EDIL3: variants seen among roughly 807,000 people sequenced by gnomAD.
EDIL3 encodes the protein EGF-like repeat and discoidin I-like domain-containing protein 3.
A neutral mutation model predicts 67.4 loss-of-function variants in EDIL3; 37 were observed. The observed-to-expected ratio is 0.55, with a 90% CI of 0.42 to 0.72. The LOEUF (loss-of-function observed/expected upper bound fraction) is 0.72, where lower values mean the gene tolerates loss of function less well. EDIL3 is among the 30% of genes least tolerant of loss of function. The probability of loss-of-function intolerance (pLI) is 0.00; values close to 1 mark genes in which losing one functional copy is unlikely to be tolerated. For synonymous variants in EDIL3, 195 were observed against 196.3 expected (o/e 0.99, Z 0.05); for missense variants, 527 against 586.3 (o/e 0.90, Z 1.04).
chr5:84,242,867 C>T (rs573557983), intron 2 of EDIL3, among the ~76,000 whole-genome samples: 1 of 151,582 alleles, frequency 6.6e-6, no homozygotes, highest in African/African-American at 2.4e-5. Context: ...TAACCCTCCC[C>T]ATATGTGTAA....
chr5:84,050,070 C>T (rs367853487), intron 9 of EDIL3, among the ~76,000 whole-genome samples: 72 of 151,760 alleles, frequency 4.7e-4, no homozygotes, highest in African/African-American at 1.7e-3. Context: ...TGGTGGCGCA[C>T]GCCTGTAGTC....
chr5:84,106,608 AATGACTT>A, intron 6 of EDIL3, 34 bp downstream of exon 6: 1 of 1,508,188 alleles, frequency 6.6e-7, no homozygotes, highest in East Asian at 2.3e-5. Context: ...ATCATTTAAA[AATGACTT>A]ATAACATTAA....
At chr5:84,289,209 T>G (rs1426566735) in intron 1 of EDIL3, among the ~76,000 whole-genome samples, 2 of 152,224 alleles carry the variant, frequency 1.3e-5, no homozygotes, top group Non-Finnish European at 2.9e-5. Flanking sequence ...GGCTTTTTAG[T>G]GTTAATAATG....
In EDIL3 at chr5:84,096,263, G is replaced by A. The variant is rs374948199; in HGVS notation, c.651+10386C>T. ...GGTAGATCCCCCAACAGCTTGCACC[G>A]TGTGTCTGGAAAAGCCACAGATGCT... On this transcript the variant is annotated intron_variant, in intron 6 of 10. Coordinates refer to ENST00000296591, the MANE Select transcript of EDIL3 (RefSeq NM_005711.5). Among the ~76,000 whole-genome samples, 35 of 152,282 alleles carry A rather than the reference G, an allele frequency of 2.3e-4. 1 individual carries two copies. Among genetic ancestry groups the A allele is most frequent in the East Asian group, 1.7e-3 (9 of 5,156 alleles).
chr5:84,382,624 C>G (rs1748107007), intron 1 of EDIL3, among the ~76,000 whole-genome samples: 1 of 152,118 alleles, frequency 6.6e-6, no homozygotes. Flanking sequence ...TCCCCCTTCC[C>G]TTCCTGCTAA....
At chr5:84,335,714 T>G (rs1377288879) in intron 1 of EDIL3, among the ~76,000 whole-genome samples, 1 of 152,100 alleles carries the variant, frequency 6.6e-6, no homozygotes, top group African/African-American at 2.4e-5. Context: ...GGGAAGGAAG[T>G]GAAGAAAAGG....
chr5:84,283,417 G>A (rs1245962696), intron 1 of EDIL3, among the ~76,000 whole-genome samples: 6 of 152,062 alleles, frequency 3.9e-5, no homozygotes, highest in Non-Finnish European at 8.8e-5. Flanking sequence ...ACAAAACTAG[G>A]ATAACTCTGG....
intron 9 of EDIL3, among the ~76,000 whole-genome samples, chr5:83,984,168 G>T (rs1745020463): frequency 6.6e-6 from 1 of 152,010 alleles, no homozygotes; most frequent in South Asian, 2.1e-4. Flanking sequence ...AGTGAAAAAA[G>T]TCAGAAGAGA....
At chr5:84,076,062 T>C (rs1399042032) in intron 6 of EDIL3, among the ~76,000 whole-genome samples, 1 of 151,286 alleles carries the variant, frequency 6.6e-6, no homozygotes, top group East Asian at 1.9e-4. Flanking sequence ...ATATTACCAT[T>C]AACACTACAT....
intron 6 of EDIL3, among the ~76,000 whole-genome samples, chr5:84,084,405 A>T (rs1747031291): frequency 6.6e-6 from 1 of 152,152 alleles, no homozygotes; most frequent in Admixed American, 6.5e-5. Context: ...AAAACAAATT[A>T]TTTTTAATGA....
At chr5:84,116,935 AAG>A (rs1747675553) in intron 5 of EDIL3, among the ~76,000 whole-genome samples, 1 of 151,932 alleles carries the variant, frequency 6.6e-6, no homozygotes, top group East Asian at 1.9e-4. Context: ...TGAAATATGA[AAG>A]TTGACTTCTG....
chr5:84,013,300 T>G lies in EDIL3; in HGVS notation c.1137+47000A>C, dbSNP rs571134136. Among the ~76,000 whole-genome samples the G allele has an allele frequency of 5.3e-5, 8 of 152,186 alleles. No homozygotes were observed. The South Asian group carries it at 1.5e-3, about 28-fold the overall frequency. On this transcript the variant is annotated intron_variant, in intron 9 of 10. Transcript: ENST00000296591. ...TTCAATCTAAAAACAATAAGAAACA[T>G]TGTTCCTTACAAAAGTGCTATTTTA...
intron 1 of EDIL3, among the ~76,000 whole-genome samples, chr5:84,275,286 A>G (rs1028789053): frequency 4.6e-5 from 7 of 152,218 alleles, no homozygotes; most frequent in Admixed American, 3.3e-4. Context: ...CCTATCTGCT[A>G]AGCCACAAAT....
chr5:84,000,421 TGTAGAG>T (rs1194688696), intron 9 of EDIL3, among the ~76,000 whole-genome samples: 2 of 152,176 alleles, frequency 1.3e-5, no homozygotes, highest in Admixed American at 1.3e-4. Flanking sequence ...AAAGTTAAAA[TGTAGAG>T]TTTTTATTAG....
At chr5:83,968,492 C>A (rs898502909) in intron 9 of EDIL3, among the ~76,000 whole-genome samples, 8 of 151,990 alleles carry the variant, frequency 5.3e-5, no homozygotes, top group African/African-American at 1.7e-4. Context: ...ATGAAGTTTT[C>A]TGTTGTATTG....
intron 3 of EDIL3, among the ~76,000 whole-genome samples, chr5:84,195,452 A>G (rs1386422591): frequency 6.6e-6 from 1 of 152,000 alleles, no homozygotes; most frequent in Non-Finnish European, 1.5e-5. Flanking sequence ...TCAGTACAGT[A>G]AAGTTTTTAA....
At chr5:84,242,453 T>C (rs1744816170) in intron 2 of EDIL3, among the ~76,000 whole-genome samples, 2 of 152,174 alleles carry the variant, frequency 1.3e-5, no homozygotes, top group South Asian at 4.1e-4. Flanking sequence ...ATTTACACAC[T>C]ACAGAATTCC....
chr5:84,308,127 G>C (rs1746309931), intron 1 of EDIL3, among the ~76,000 whole-genome samples: 1 of 152,106 alleles, frequency 6.6e-6, no homozygotes, highest in South Asian at 2.1e-4. Context: ...TGTGAGAGAA[G>C]TGGACATAGG....
intron 1 of EDIL3, among the ~76,000 whole-genome samples, chr5:84,361,748 A>G (rs539426734): frequency 2.6e-4 from 39 of 152,074 alleles, no homozygotes; most frequent in Middle Eastern, 3.4e-3. Flanking sequence ...CGTATAAACA[A>G]AGTACTTTTG....
Sources: gnomAD v4.1 joint callset for allele counts (sites outside exome capture counted in the v4.1 genomes callset) on GRCh38, gnomAD v4.1.1 for gene constraint, MANE v1.5 for transcripts, NCBI Gene and HGNC (gene_info 2026-07-23, HGNC 2026-07-21) for gene names.